The following LYST variants were observed in gnomAD, a reference collection of about 807,000 sequenced individuals.
The protein encoded by LYST is lysosomal-trafficking regulator.
A neutral mutation model predicts 413.6 loss-of-function variants in LYST; 192 were observed. The ratio of observed to expected loss-of-function variants is 0.46; its 90% CI spans 0.41 to 0.52. The LOEUF (loss-of-function observed/expected upper bound fraction) is 0.52, where lower values mean the gene tolerates loss of function less well. Among genes scored for constraint, LYST ranks in the 20% least tolerant of loss-of-function variants. The pLI is 0.00. For missense variants in LYST, 3,815 were observed against 4,499.9 expected, an observed-to-expected ratio of 0.85 and a Z score of 4.35; for synonymous variants, 1,525 against 1,567.3, an observed-to-expected ratio of 0.97 and a Z score of 0.64.
At chr1:235,791,243 T>C (rs1277661460) in intron 12 of LYST, among the ~76,000 whole-genome samples, 4 of 151,768 alleles carry the variant, frequency 2.6e-5, no homozygotes, top group Non-Finnish European at 2.9e-5. Context: ...GATCGCGCCA[T>C]TGCACTCTAG....
upstream of LYST, among the ~76,000 whole-genome samples, chr1:235,870,999 A>G (rs375982108): frequency 2.6e-5 from 4 of 152,350 alleles, no homozygotes; most frequent in East Asian, 5.8e-4. Flanking sequence ...TATACAGATG[A>G]ATAAAATTAT....
At chr1:235,857,784 C>CACATAT (rs145820873) in intron 1 of LYST, among the ~76,000 whole-genome samples, 2,368 of 121,894 alleles carry the variant, frequency 0.019, 47 homozygotes, top group African/African-American at 0.043. Context: ...CACACACACA[C>CACATAT]ATATATATAT....
At chr1:235,858,320 G>A (rs751365713) in intron 1 of LYST, among the ~76,000 whole-genome samples, 1 of 152,156 alleles carries the variant, frequency 6.6e-6, no homozygotes, top group Non-Finnish European at 1.5e-5. Flanking sequence ...TGAAACATAA[G>A]CATGATAACC....
chr1:235,669,754 G>A (rs1354748171), intron 50 of LYST, among the ~76,000 whole-genome samples: 1 of 152,264 alleles, frequency 6.6e-6, no homozygotes, highest in African/African-American at 2.4e-5. Flanking sequence ...CCACACTGCC[G>A]AGTGTACTTT....
At chr1:235,820,799 A>G (rs1674672432) in intron 3 of LYST, among the ~76,000 whole-genome samples, 1 of 152,336 alleles carries the variant, frequency 6.6e-6, no homozygotes, top group South Asian at 2.1e-4. Context: ...TCAGAATTTT[A>G]TAATTATTTC....
In LYST at chr1:235,752,137, C is replaced by T; in HGVS notation, c.7495G>A (p.Asp2499Asn). The T allele has an allele frequency of 1.2e-6, 2 of 1,611,270 alleles. No individual in the cohort carries two copies. Among genetic ancestry groups the T allele is most frequent in the Non-Finnish European group, 8.5e-7 (1 of 1,177,988 alleles). The change falls in exon 27 of 53, where the codon GAT (aspartate) becomes AAT (asparagine). Residue 2499 changes from aspartate to asparagine, a missense_variant. Asp to Asn is a conservative substitution (Grantham distance 23). Around this residue, in one of 4 missense-constraint regions of LYST, gnomAD observed 771 missense variants for 837.1 expected, o/e 0.92. Coordinates refer to ENST00000389793, the MANE Select transcript of LYST (RefSeq NM_000081.4). ...PMSEYKLLAC[D>N]IQQLFIAVTI... ...ACTGCTATGAAAAGTTGCTGTATAT[C>T]ACAAGCAAGCAATTTATATTCACTC...
intron 46 of LYST, among the ~76,000 whole-genome samples, chr1:235,695,131 T>TA (rs1660985249): frequency 6.6e-6 from 1 of 152,224 alleles, no homozygotes; most frequent in Non-Finnish European, 1.5e-5. Flanking sequence ...GACCCTAGGG[T>TA]ATTTACAGGC....
intron 1 of LYST, among the ~76,000 whole-genome samples, chr1:235,865,934 C>G (rs950118457): frequency 2.6e-4 from 40 of 152,212 alleles, no homozygotes; most frequent in Non-Finnish European, 5.7e-4. Flanking sequence ...ATTCGACTCC[C>G]TTAAAATTTT....
chr1:235,881,846 G>A (rs897451832), intron 1 of LYST, among the ~76,000 whole-genome samples: 4 of 152,032 alleles, frequency 2.6e-5, no homozygotes, highest in African/African-American at 4.8e-5. Context: ...AATGGTGGTC[G>A]CCAGAAGCTG....
chr1:235,807,418 C>A (rs552956168), intron 5 of LYST, among the ~76,000 whole-genome samples: 1 of 152,276 alleles, frequency 6.6e-6, no homozygotes, highest in Admixed American at 6.5e-5. Flanking sequence ...CTAGGTGATT[C>A]TCAGCCCTTT....
chr1:235,813,570 G>A (rs1211939477), intron 3 of LYST, among the ~76,000 whole-genome samples: 1 of 152,136 alleles, frequency 6.6e-6, no homozygotes, highest in Non-Finnish European at 1.5e-5. Flanking sequence ...TTTATTGACT[G>A]CATACTATGT....
In LYST at chr1:235,677,073, G is replaced by T. The variant is rs555638752; in HGVS notation, c.11038+18C>A. 10 of 1,594,162 alleles carry T rather than the reference G, an allele frequency of 6.3e-6. No individual in the cohort carries two copies. The highest frequency in any genetic ancestry group is 4.0e-5 in the African/African-American group (3 of 74,600). Reference sequence around the variant, plus strand: ...AGAGCACCAGCCAGCCCTGTGCTTTGGGTTGGAGCAAGCTCACCTGAATCA... The same window carrying T: ...AGAGCACCAGCCAGCCCTGTGCTTTTGGTTGGAGCAAGCTCACCTGAATCA... On this transcript the variant is annotated intron_variant, in intron 50 of 52. Transcript: ENST00000389793.
intron 17 of LYST, among the ~76,000 whole-genome samples, chr1:235,776,285 C>T (rs543897752): frequency 1.3e-5 from 2 of 152,198 alleles, no homozygotes; most frequent in South Asian, 4.1e-4. Context: ...TTTGTAAGAA[C>T]CCTAACAACA....
intron 44 of LYST, among the ~76,000 whole-genome samples, chr1:235,704,878 T>C (rs1343282115): frequency 6.6e-6 from 1 of 152,254 alleles, no homozygotes; most frequent in African/African-American, 2.4e-5. Context: ...TACACTCCTG[T>C]AGCTAGAACT....
chr1:235,860,240 G>A (rs1679704370), intron 1 of LYST, among the ~76,000 whole-genome samples: 1 of 152,096 alleles, frequency 6.6e-6, no homozygotes, highest in Non-Finnish European at 1.5e-5. Flanking sequence ...GGCAATTACA[G>A]AGTTTCCATG....
At chr1:235,858,229 C>T (rs549731453) in intron 1 of LYST, among the ~76,000 whole-genome samples, 2 of 152,194 alleles carry the variant, frequency 1.3e-5, no homozygotes, top group Non-Finnish European at 1.5e-5. Context: ...TCAGGTACTT[C>T]GTAGCTGTGA....
At chr1:235,745,639 T>C (rs1665842795) in intron 29 of LYST, among the ~76,000 whole-genome samples, 1 of 152,198 alleles carries the variant, frequency 6.6e-6, no homozygotes, top group Non-Finnish European at 1.5e-5. Flanking sequence ...AGAAGCTTTA[T>C]TTGTAATAGC....
intron 12 of LYST, among the ~76,000 whole-genome samples, chr1:235,791,017 C>A (rs937218382): frequency 2.6e-5 from 4 of 152,146 alleles, no homozygotes; most frequent in Admixed American, 2.6e-4. Flanking sequence ...GGTGTGGTGG[C>A]TCACACCTGC....
intron 3 of LYST, among the ~76,000 whole-genome samples, chr1:235,817,609 C>A (rs1217295164): frequency 6.6e-6 from 1 of 152,106 alleles, no homozygotes; most frequent in Non-Finnish European, 1.5e-5. Context: ...TGAACTAACA[C>A]AGAAACAGAA....
Sources: gnomAD v4.1 joint callset for allele counts (sites outside exome capture counted in the v4.1 genomes callset) on GRCh38, gnomAD v4.1.1 for gene constraint, gnomAD v4.1.1 regional missense constraint, MANE v1.5 for transcripts, NCBI Gene and HGNC (gene_info 2026-07-23, HGNC 2026-07-21) for gene names.